GPR173: variants seen among roughly 807,000 people sequenced by gnomAD.
GPR173 encodes the protein G protein-coupled receptor 173.
A neutral mutation model predicts 13.9 loss-of-function variants in GPR173; 2 were observed. The ratio of observed to expected loss-of-function variants is 0.14; its 90% confidence interval spans 0.06 to 0.45. The LOEUF is 0.45. GPR173 is among the 20% of genes least tolerant of loss of function. The pLI is 0.98. For synonymous variants in GPR173, 131 were observed against 141.0 expected, an observed-to-expected ratio of 0.93 and a Z score of 0.50; for missense variants, 202 against 340.5, an observed-to-expected ratio of 0.59 and a Z score of 3.20.
At chrX:53,070,373 T>C (rs1033778998) in intron 1 of GPR173, among the ~76,000 whole-genome samples, 5 of 111,827 alleles carry the variant, frequency 4.5e-5, no homozygotes, top group Non-Finnish European at 9.4e-5. Flanking sequence ...TGTCTGTGTA[T>C]GTGAACAATT....
intron 1 of GPR173, among the ~76,000 whole-genome samples, chrX:53,073,557 T>G (rs1556805053): frequency 9.2e-6 from 1 of 108,542 alleles, no homozygotes; most frequent in East Asian, 2.9e-4. Flanking sequence ...CCTGCCTGGA[T>G]GTCTCCAGGG....
intron 1 of GPR173, among the ~76,000 whole-genome samples, chrX:53,072,885 C>T (rs1932282107): frequency 9.0e-6 from 1 of 111,322 alleles, no homozygotes; most frequent in Non-Finnish European, 1.9e-5. Context: ...TTTCTAAGTA[C>T]TAGTTTGGCC....
rs1388711378 is a variant in GPR173, at chrX:53,079,412, TG to T, written c.*1674del. 1 of 26,665 alleles carries T rather than the reference TG, an allele frequency of 3.8e-5. No individual in the cohort carries two copies. Among genetic ancestry groups the T allele is most frequent in the African/African-American group, 2.7e-4 (1 of 3,721 alleles). The allele number at this position is 26,665 out of a possible 1,213,427, so 2.2% of individuals were successfully genotyped here. On this transcript the variant is annotated 3_prime_UTR_variant, in exon 2 of 2. Transcript: ENST00000332582. ...GAGCCTGTTCTCTCAGCGATAGTGA[TG>T]GGGGTGCCTTTCCGAGGGGGTGGGG...
intron 1 of GPR173, among the ~76,000 whole-genome samples, chrX:53,075,354 C>T (rs921904221): frequency 2.8e-5 from 3 of 105,473 alleles, no homozygotes; most frequent in Non-Finnish European, 5.8e-5. Context: ...ACCCCTAGCA[C>T]TTCCTATCTT....
Position 53,076,900 on chromosome X carries a change from A to C in GPR173, c.279A>C (p.Ala93=). 2.5e-6 allele frequency: 3 copies of C among 1,209,542 alleles called. No homozygotes were observed. The highest frequency in any genetic ancestry group is 3.5e-5 in the South Asian group (2 of 57,037). The change falls in exon 2 of 2, where the codon GCA becomes GCC. Residue 93 remains alanine, a synonymous_variant. Coordinates refer to ENST00000332582, the MANE Select transcript of GPR173 (RefSeq NM_018969.6). The part of the protein sequence containing the change: ...VRHGSSWTFS[A]LSCKIVAFMA... Reference sequence around the variant, plus strand: ...ACGGCTCTTCATGGACCTTCAGTGCACTCAGCTGCAAGATTGTGGCCTTTA... The same window carrying C: ...ACGGCTCTTCATGGACCTTCAGTGCCCTCAGCTGCAAGATTGTGGCCTTTA...
At chrX:53,075,727 T>C (rs1932422701) in intron 1 of GPR173, among the ~76,000 whole-genome samples, 1 of 110,457 alleles carries the variant, frequency 9.1e-6, no homozygotes, top group African/African-American at 3.3e-5. Context: ...GCTCTCACCG[T>C]TCCTGCCTCA....
intron 1 of GPR173, among the ~76,000 whole-genome samples, chrX:53,069,888 G>A (rs138972539): frequency 7.3e-4 from 81 of 110,871 alleles, no homozygotes; most frequent in African/African-American, 2.6e-3. Context: ...GTTTGAATCT[G>A]TCTCTTTGTG....
At position 53,076,901 on chromosome X, in the gene GPR173, C is replaced by G; in HGVS notation, c.280C>G (p.Leu94Val). 2 of 1,209,994 alleles carry G rather than the reference C, an allele frequency of 1.7e-6. No homozygotes were observed. Among genetic ancestry groups the G allele is most frequent in the Non-Finnish European group, 2.2e-6 (2 of 895,169 alleles). The change falls in exon 2 of 2, where the codon CTC becomes GTC. Residue 94 changes from leucine (L) to valine (V), a missense_variant. Physicochemically the swap from Leu to Val is conservative, Grantham distance 32. Coordinates refer to ENST00000332582, the MANE Select transcript of GPR173 (RefSeq NM_018969.6). The stretch of plus-strand genomic sequence containing the variant: ...CGGCTCTTCATGGACCTTCAGTGCA[C>G]TCAGCTGCAAGATTGTGGCCTTTAT... ...RHGSSWTFSA[L>V]SCKIVAFMAV... is the part of the protein sequence containing the mutation.
chrX:53,060,876 C>T (rs111684869), intron 1 of GPR173, among the ~76,000 whole-genome samples: 57 of 108,870 alleles, frequency 5.2e-4, no homozygotes, highest in African/African-American at 1.8e-3. Context: ...GGCAGTTATA[C>T]AGGCCTGTAT....
chrX:53,054,165 T>TGTGTGTGC (rs1283327534), intron 1 of GPR173, among the ~76,000 whole-genome samples: 1 of 111,088 alleles, frequency 9.0e-6, no homozygotes, highest in African/African-American at 3.3e-5. Context: ...TGTGTGTGTG[T>TGTGTGTGC]GTAGACTGGT....
chrX:53,070,778 C>T (rs1556804698), intron 1 of GPR173, among the ~76,000 whole-genome samples: 1 of 111,688 alleles, frequency 9.0e-6, no homozygotes, highest in African/African-American at 3.3e-5. Flanking sequence ...GCCACCACGC[C>T]TGGCCCTCTG....
intron 1 of GPR173, among the ~76,000 whole-genome samples, chrX:53,059,331 C>T (rs1285214444): frequency 1.9e-5 from 2 of 107,923 alleles, no homozygotes; most frequent in African/African-American, 3.4e-5. Flanking sequence ...CTCACTCTGT[C>T]GCCCAGGCTG....
In GPR173 at chrX:53,055,889, A is replaced by AGTGT. The variant is rs112784276; in HGVS notation, c.-98+6428_-98+6431dup. On this transcript the variant is annotated intron_variant, in intron 1 of 1. Coordinates refer to ENST00000332582, the MANE Select transcript of GPR173 (RefSeq NM_018969.6). Reference sequence around the variant, plus strand: ...GCTGTAAGAGTGGGGCTGTATTTGGAGTGTGTGTGTGTGTGTGTGTGTGTG... The same window carrying AGTGT: ...GCTGTAAGAGTGGGGCTGTATTTGGAGTGTGTGTGTGTGTGTGTGTGTGTGTGTG... Among the ~76,000 whole-genome samples the AGTGT allele has an allele frequency of 5.4e-3, 528 of 97,556 alleles. 8 individuals carry two copies. Among genetic ancestry groups the AGTGT allele is most frequent in the African/African-American group, 0.017 (469 of 26,868 alleles). The allele number at this position is 97,556 out of a possible 115,157, so 84.7% of individuals were successfully genotyped here.
chrX:53,054,066 C>T (rs1195475232), intron 1 of GPR173, among the ~76,000 whole-genome samples: 2 of 111,187 alleles, frequency 1.8e-5, no homozygotes, highest in Non-Finnish European at 3.8e-5. Flanking sequence ...ACTGAGAGGA[C>T]CCAAATTATG....
chrX:53,059,484 C>T (rs1556803527), intron 1 of GPR173, among the ~76,000 whole-genome samples: 1 of 108,232 alleles, frequency 9.2e-6, no homozygotes, highest in Non-Finnish European at 1.9e-5. Context: ...AGATCCATTA[C>T]TTTATCTTAA....
intron 1 of GPR173, among the ~76,000 whole-genome samples, chrX:53,064,847 C>G (rs1219437543): frequency 1.8e-5 from 2 of 111,724 alleles, no homozygotes; most frequent in Non-Finnish European, 3.8e-5. Context: ...AACCTCATTA[C>G]CTCTTAAAGG....
chrX:53,052,608 T>TACAC (rs1556802857), intron 1 of GPR173, among the ~76,000 whole-genome samples: 4 of 107,882 alleles, frequency 3.7e-5, no homozygotes, highest in African/African-American at 1.4e-4. Flanking sequence ...CACACGTGTG[T>TACAC]GTGTGTGTGT....
At position 53,060,230 on chromosome X, in the gene GPR173, A is replaced by G. The variant is rs782061854; in HGVS notation, c.-98+10746A>G. ...AGCGGCACCATCTTACCTCACTGCA[A>G]CCTCTGCCTCCCGGGTTCAAGCGAT... On this transcript the variant is annotated intron_variant, in intron 1 of 1. Transcript: ENST00000332582. 2.8e-4 allele frequency among the ~76,000 whole-genome samples: 30 copies of G among 108,388 alleles called. 1 individual carries two copies. Among genetic ancestry groups the G allele is most frequent in the Admixed American group, 2.5e-3 (25 of 10,010 alleles). The allele number at this position is 108,388 out of a possible 115,157, so 94.1% of individuals were successfully genotyped here.
chrX:53,066,640 C>T (rs1323307249), intron 1 of GPR173, among the ~76,000 whole-genome samples: 1 of 103,572 alleles, frequency 9.7e-6, no homozygotes, highest in Admixed American at 1.0e-4. Context: ...TGCACTCCAG[C>T]CTGGGCAACA....
Sources: allele counts gnomAD v4.1 joint callset (sites outside exome capture counted in the v4.1 genomes callset), GRCh38; gene constraint gnomAD v4.1.1; transcripts MANE v1.5; gene names NCBI Gene and HGNC (gene_info 2026-07-23, HGNC 2026-07-21).